The following ATG16L2 variants were observed in gnomAD, a reference collection of about 807,000 sequenced individuals.
The protein encoded by ATG16L2 is protein Atg16l2.
Under a neutral mutation model 84.7 loss-of-function variants are expected in ATG16L2, and 77 were observed. The ratio of observed to expected loss-of-function variants is 0.91; its 90% CI spans 0.76 to 1.10. The LOEUF is 1.10. Ranked by LOEUF, ATG16L2 falls within the 50% of genes least tolerant of loss-of-function variation. ATG16L2 has a pLI of 0.00. For missense variants in ATG16L2, 782 were observed against 817.6 expected (o/e 0.96, Z 0.53); for synonymous variants, 361 against 342.8 (o/e 1.05, Z -0.59).
At position 72,816,839 on chromosome 11, in the gene ATG16L2, T is replaced by C. The variant is rs971223445; in HGVS notation, c.218+12T>C. On this transcript the variant is annotated intron_variant, in intron 2 of 17. Coordinates refer to ENST00000321297, the MANE Select transcript of ATG16L2 (RefSeq NM_033388.2). ...CACCAGGGCCCCTGGTAAGTGTATG[T>C]GGGTCCGTGGTCACAAAGGGCTGCC... 6.2e-7 allele frequency: 1 copy of C among 1,610,752 alleles called. No homozygotes were observed. Among genetic ancestry groups the C allele is most frequent in the African/African-American group, 1.3e-5 (1 of 74,852 alleles).
intron 8 of ATG16L2, chr11:72,824,415 C>T (rs1163443320): frequency 3.5e-6 from 2 of 565,526 alleles, no homozygotes; most frequent in East Asian, 3.0e-5. Flanking sequence ...GGGAAAAATG[C>T]TCTGAAATGT....
intron 9 of ATG16L2, 100 bp downstream of exon 9, chr11:72,824,942 C>T (rs1591308367): frequency 1.9e-5 from 18 of 967,440 alleles, no homozygotes; most frequent in South Asian, 3.4e-5. Flanking sequence ...GCCAGGGAAG[C>T]AAGGCTGGGC....
chr11:72,821,476 C>A, intron 3 of ATG16L2, 192 bp from the exon 4 acceptor site: 1 of 1,404,068 alleles, frequency 7.1e-7, no homozygotes, highest in Non-Finnish European at 9.3e-7. Flanking sequence ...ACTCCAGAGC[C>A]CGAGGGCCTT....
At position 72,822,101 on chromosome 11, in the gene ATG16L2, C is replaced by G. The variant is rs748235939; in HGVS notation, c.450C>G (p.Ala150=). 6.5e-7 allele frequency: 1 copy of G among 1,538,866 alleles called. No individual in the cohort carries two copies. The highest frequency in any genetic ancestry group is 8.7e-7 in the Non-Finnish European group (1 of 1,153,568). The part of the protein sequence containing the change: ...AQLREARAQQ[A]QQVEEWRAQN... The stretch of plus-strand genomic sequence containing the variant: ...TGCGAGAGGCGCGGGCGCAGCAGGC[C>G]CAGCAGGTGGAGGAGTGGCGGGCGC... Residue 150 remains alanine (A), a synonymous_variant, in exon 5 of 18, where the codon GCC becomes GCG. Transcript: ENST00000321297. The surrounding 1 kb of genome is among the most constrained non-coding windows in gnomAD (Gnocchi z 4.2).
chr11:72,840,105 C>T (rs377281883), intron 5 of ATG16L2, among the ~76,000 whole-genome samples: 1 of 152,210 alleles, frequency 6.6e-6, no homozygotes, highest in East Asian at 1.9e-4. Flanking sequence ...TAATCGCTCC[C>T]TATATCCTTT....
chr11:72,817,706 G>A lies in ATG16L2; in HGVS notation c.219-50G>A, dbSNP rs751899045. The A allele has an allele frequency of 1.4e-5, 22 of 1,590,154 alleles. No individual in the cohort carries two copies. The African/African-American group carries it at 1.5e-4, about 11-fold the overall frequency. On this transcript the variant is annotated intron_variant, in intron 2 of 17. Transcript: ENST00000321297. Reference sequence around the variant, plus strand: ...TGTAGCATCACTTGGGTGCCTTTGGGCACTTGGGTGAACCGGGGGACATTG... The same window carrying A: ...TGTAGCATCACTTGGGTGCCTTTGGACACTTGGGTGAACCGGGGGACATTG...
In ATG16L2 at chr11:72,816,636, T is replaced by C. The variant is rs981384704; in HGVS notation, c.119-92T>C. On this transcript the variant is annotated intron_variant, in intron 1 of 17. Coordinates refer to ENST00000321297, the MANE Select transcript of ATG16L2 (RefSeq NM_033388.2). ...TTCCCCATCCCTAGCATCTCTGGGC[T>C]CCTTCAGCCCTTTTAGCCGGAGATA... The C allele has an allele frequency of 3.9e-6, 4 of 1,033,026 alleles. No individual in the cohort carries two copies. In the Admixed American group the frequency reaches 7.6e-5, roughly 20 times the overall value. The allele number at this position is 1,033,026 out of a possible 1,614,324, so 64.0% of individuals were successfully genotyped here.
chr11:72,832,252 T>C (rs183148632), downstream of ATG16L2, among the ~76,000 whole-genome samples: 1,284 of 152,316 alleles, frequency 8.4e-3, 8 homozygotes, highest in Non-Finnish European at 0.015. Context: ...AGCCCTTCTC[T>C]CCCCCAAAAC....
At chr11:72,814,620 G>T (rs1591288803) in intron 1 of ATG16L2, 57 bp downstream of exon 1, 2 of 1,433,236 alleles carry the variant, frequency 1.4e-6, no homozygotes, top group African/African-American at 1.4e-5. Context: ...CTACGGGCGC[G>T]GGGAGAGGGT....
rs1319364345 is a variant in ATG16L2 at position 72,826,731 on chromosome 11, T to C, written c.1274T>C (p.Val425Ala). The change falls in exon 13 of 18, where the codon GTG becomes GCG. Residue 425 changes from valine to alanine, a missense_variant. Val to Ala is a moderately conservative substitution (Grantham distance 64, BLOSUM62 0). Transcript: ENST00000321297. ...ACACTGTCTGGACACAAGGATAAGG[T>C]GACAGCTGCCAAATTCAAGCTAACG... ...KETLSGHKDKVTAAKFKLTRH... is the reference protein window; with the variant it reads ...KETLSGHKDKATAAKFKLTRH... The C allele has an allele frequency of 1.2e-6, 2 of 1,613,948 alleles. No homozygotes were observed. Among genetic ancestry groups the C allele is most frequent in the Non-Finnish European group, 1.7e-6 (2 of 1,179,976 alleles).
At chr11:72,834,461 T>C (rs1405646329), downstream of ATG16L2, among the ~76,000 whole-genome samples, 3 of 152,226 alleles carry the variant, frequency 2.0e-5, no homozygotes, top group African/African-American at 7.2e-5. Context: ...CAAAGAAGTC[T>C]GTGTCTTAGT....
At chr11:72,821,905 A>C in intron 4 of ATG16L2, 139 bp from the exon 5 acceptor site, 2 of 1,422,534 alleles carry the variant, frequency 1.4e-6, no homozygotes. Context: ...CTGAGGGCGA[A>C]GGCTTGGGGG....
intron 5 of ATG16L2, chr11:72,838,580 G>A: frequency 5.1e-6 from 3 of 583,896 alleles, no homozygotes; most frequent in East Asian, 2.9e-5. Flanking sequence ...GCTATGGTAG[G>A]AGAAATGACA....
downstream of ATG16L2, among the ~76,000 whole-genome samples, chr11:72,833,191 C>T (rs1203217992): frequency 6.6e-6 from 1 of 152,212 alleles, no homozygotes; most frequent in Non-Finnish European, 1.5e-5. Flanking sequence ...CTGAACACTA[C>T]CTGGGGCAGC....
rs1565268311 is a variant in ATG16L2, at chr11:72,825,283, A to G, written c.997-19A>G. On this transcript the variant is annotated intron_variant, in intron 9 of 17. Transcript: ENST00000321297. ...ATGCGCGGGGAGGGCCGGGGCACCA[A>G]CCTCCCCTTTCCCCACAGGATGCCC... 6.2e-7 allele frequency: 1 copy of G among 1,605,034 alleles called. No individual in the cohort carries two copies. The highest frequency in any genetic ancestry group is 8.5e-7 in the Non-Finnish European group (1 of 1,173,150).
chr11:72,830,869 G>A (rs1860592237), downstream of ATG16L2, among the ~76,000 whole-genome samples: 1 of 152,104 alleles, frequency 6.6e-6, no homozygotes, highest in Non-Finnish European at 1.5e-5. Context: ...TGCTCAAGTG[G>A]TCCTCCTGCC....
At chr11:72,816,602 G>C in intron 1 of ATG16L2, 126 bp from the exon 2 acceptor site, 1 of 740,652 alleles carries the variant, frequency 1.4e-6, no homozygotes, top group Non-Finnish European at 2.3e-6. Flanking sequence ...AGGCCAGCCT[G>C]CCAGAAGCTT....
At chr11:72,829,766 C>A, downstream of ATG16L2, 2 of 405,022 alleles carry the variant, frequency 4.9e-6, no homozygotes, top group Non-Finnish European at 6.8e-6. Flanking sequence ...TCTCTGCCTG[C>A]AGAGACAGGT....
At chr11:72,823,153 C>A (rs190522629) in intron 7 of ATG16L2, 192 bp downstream of exon 7, 2 of 529,746 alleles carry the variant, frequency 3.8e-6, no homozygotes, top group Non-Finnish European at 6.7e-6. Context: ...TTCCATCTCA[C>A]CCCCCCAACC....
Sources: gnomAD v4.1 joint callset for allele counts (sites outside exome capture counted in the v4.1 genomes callset) on GRCh38, gnomAD v4.1.1 for gene constraint, Gnocchi (gnomAD v3.1) non-coding constraint, MANE v1.5 for transcripts, NCBI Gene and HGNC (gene_info 2026-07-23, HGNC 2026-07-21) for gene names.